The following FHL2 variants were observed in gnomAD, a reference collection of about 807,000 sequenced individuals.
FHL2 encodes four and a half LIM domains 2, also known as four and a half LIM domains protein 2.
In FHL2, 20 loss-of-function variants were observed where a neutral mutation model predicts 32.7. The ratio of observed to expected loss-of-function variants is 0.61; its 90% CI spans 0.43 to 0.89. FHL2 has a LOEUF of 0.89. Ranked by LOEUF, FHL2 falls within the 40% of genes least tolerant of loss-of-function variation. The pLI is 0.00. For missense variants in FHL2, 311 were observed against 358.6 expected, an observed-to-expected ratio of 0.87 and a Z score of 1.07; for synonymous variants, 123 against 128.1, an observed-to-expected ratio of 0.96 and a Z score of 0.27.
At chr2:105,428,107 A>G (rs1684317569) in intron 1 of FHL2, among the ~76,000 whole-genome samples, 1 of 152,248 alleles carries the variant, frequency 6.6e-6, no homozygotes, top group Non-Finnish European at 1.5e-5. Flanking sequence ...ACTCATGGTC[A>G]TAAAAGGTCT....
chr2:105,398,910 A>G lies in FHL2; in HGVS notation c.-144T>C. 1 of 1,536,478 alleles carries G rather than the reference A, an allele frequency of 6.5e-7. No individual in the cohort carries two copies. Among genetic ancestry groups the G allele is most frequent in the South Asian group, 1.2e-5 (1 of 80,798 alleles). On this transcript the variant is annotated 5_prime_UTR_variant, in exon 1 of 7. Transcript: ENST00000530340. ...GCACCGGATTCGGCCCCCACTTCCG[A>G]GCCCTGGTGGCTAAGCCCCTCGGCC...
At chr2:105,399,453 GA>G (rs758967086), upstream of FHL2, 27 of 1,536,100 alleles carry the variant, frequency 1.8e-5, 1 homozygote, top group South Asian at 3.2e-4. Flanking sequence ...CACTTCTCAG[GA>G]GGCATGTGCC....
chr2:105,398,781 C>T, intron 1 of FHL2, 61 bp downstream of exon 1: 1 of 1,316,422 alleles, frequency 7.6e-7, no homozygotes, highest in African/African-American at 1.5e-5. Context: ...CTTCTCCCCG[C>T]ACGGTTCGGG....
intron 3 of FHL2, chr2:105,378,310 T>C: frequency 2.5e-6 from 1 of 407,554 alleles, no homozygotes; most frequent in East Asian, 7.3e-5. Context: ...GGACTAAGCA[T>C]CCATGCAAGA....
intron 1 of FHL2, among the ~76,000 whole-genome samples, chr2:105,422,052 C>T (rs1359896902): frequency 6.6e-6 from 1 of 152,172 alleles, no homozygotes; most frequent in Non-Finnish European, 1.5e-5. Flanking sequence ...GAAAGAATCA[C>T]GGTGGAGGGC....
Position 105,396,696 on chromosome 2 carries a change from C to T in FHL2, c.-74G>A. 3 of 1,612,766 alleles carry T rather than the reference C, an allele frequency of 1.9e-6. No individual in the cohort carries two copies. The highest frequency in any genetic ancestry group is 2.5e-6 in the Non-Finnish European group (3 of 1,179,852). On this transcript the variant is annotated splice_region_variant and 5_prime_UTR_variant, in exon 2 of 7. Transcript: ENST00000530340. ...TCTCCAGGAAGACACAGTTCTCAGC[C>T]ACTAGAGAAAGCACACGTGTTTTGT...
chr2:105,437,677 A>T (rs1006346404), intron 1 of FHL2, among the ~76,000 whole-genome samples: 2 of 152,190 alleles, frequency 1.3e-5, no homozygotes, highest in African/African-American at 2.4e-5. Context: ...GTCTGGCTAG[A>T]GGATGTTTAT....
intron 1 of FHL2, among the ~76,000 whole-genome samples, chr2:105,417,684 C>CAA (rs11353319): frequency 2.0e-4 from 18 of 89,340 alleles, no homozygotes; most frequent in South Asian, 7.9e-4. Flanking sequence ...ACTCCATCTC[C>CAA]AAAAAAAAAA....
intron 4 of FHL2, among the ~76,000 whole-genome samples, chr2:105,371,655 A>C (rs1263890440): frequency 6.6e-6 from 1 of 152,112 alleles, no homozygotes; most frequent in African/African-American, 2.4e-5. Flanking sequence ...CAGAAAGTCA[A>C]GACAGGTGAA....
chr2:105,414,072 C>A (rs1242484599), intron 1 of FHL2, among the ~76,000 whole-genome samples: 4 of 152,176 alleles, frequency 2.6e-5, no homozygotes, highest in Admixed American at 6.5e-5. Flanking sequence ...GGTCCTAGAA[C>A]CCCTCCTTGG....
intron 3 of FHL2, 117 bp from the exon 4 acceptor site, chr2:105,373,850 C>T (rs1681275389): frequency 1.2e-6 from 1 of 857,022 alleles, no homozygotes; most frequent in Non-Finnish European, 1.8e-6. Flanking sequence ...GGCCGAGGCA[C>T]CCTGGCGCAC....
At chr2:105,429,835 G>A (rs966396460) in intron 1 of FHL2, among the ~76,000 whole-genome samples, 2 of 152,282 alleles carry the variant, frequency 1.3e-5, no homozygotes, top group South Asian at 2.1e-4. Flanking sequence ...CTGTGAAGAC[G>A]GGACAGTGCA....
At chr2:105,418,728 C>A (rs776928293) in intron 1 of FHL2, among the ~76,000 whole-genome samples, 30 of 152,210 alleles carry the variant, frequency 2.0e-4, no homozygotes, top group Non-Finnish European at 3.5e-4. Context: ...TCTTTCCACG[C>A]TTTCAGTTAC....
chr2:105,387,908 T>A (rs1171746011), intron 2 of FHL2, among the ~76,000 whole-genome samples: 1 of 152,180 alleles, frequency 6.6e-6, no homozygotes, highest in Non-Finnish European at 1.5e-5. Context: ...ATATACATCA[T>A]GAAATACTAT....
intron 3 of FHL2, chr2:105,378,710 T>A (rs985648124): frequency 2.0e-5 from 3 of 153,206 alleles, no homozygotes; most frequent in Admixed American, 1.3e-4. Flanking sequence ...CATTCCTGAG[T>A]GAATATGCGT....
chr2:105,410,711 G>A (rs956012753), intron 1 of FHL2, among the ~76,000 whole-genome samples: 3 of 152,132 alleles, frequency 2.0e-5, no homozygotes, highest in African/African-American at 4.8e-5. Flanking sequence ...TGGTATGTGC[G>A]TCTTCCTGTA....
In FHL2 at chr2:105,361,394, C is replaced by G; in HGVS notation, c.729G>C (p.Gln243His). The G allele has an allele frequency of 6.2e-7, 1 of 1,614,166 alleles. No homozygotes were observed. The highest frequency in any genetic ancestry group is 2.2e-5 in the East Asian group (1 of 44,878). ...GTKYISFEERQWHNDCFNCKK... is the reference protein window; with the variant it reads ...GTKYISFEERHWHNDCFNCKK... ...TACAGTTAAAGCAGTCGTTATGCCA[C>G]TGCCGTTCCTCAAAGGAGATGTATT... Residue 243 changes from glutamine to histidine, a missense_variant, in exon 7 of 7, where the codon CAG becomes CAC. Physicochemically the swap from Gln to His is conservative, Grantham distance 24 (BLOSUM62 0). Transcript: ENST00000530340.
At position 105,393,143 on chromosome 2, in the gene FHL2, T is replaced by C. The variant is rs118082378; in HGVS notation, c.-25+3504A>G. Among the ~76,000 whole-genome samples the C allele has an allele frequency of 1.3e-3, 201 of 152,232 alleles. 4 individuals are homozygous for C. The East Asian group carries it at 0.019, about 14-fold the overall frequency. On this transcript the variant is annotated intron_variant, in intron 2 of 6. Transcript: ENST00000530340. Reference sequence around the variant, plus strand: ...AGAGGTCAGATTAGCAAAAGAAGTCTATTTAAGCATCCTTTTCAATGCACC... The same window carrying C: ...AGAGGTCAGATTAGCAAAAGAAGTCCATTTAAGCATCCTTTTCAATGCACC...
At chr2:105,366,134 C>G (rs565421276) in intron 5 of FHL2, among the ~76,000 whole-genome samples, 1 of 151,794 alleles carries the variant, frequency 6.6e-6, no homozygotes, top group East Asian at 1.9e-4. Context: ...TGCTCGAACC[C>G]AAGAGGCGGA....
Sources: gnomAD v4.1 joint callset for allele counts (sites outside exome capture counted in the v4.1 genomes callset) on GRCh38, gnomAD v4.1.1 for gene constraint, MANE v1.5 for transcripts, NCBI Gene and HGNC (gene_info 2026-07-23, HGNC 2026-07-21) for gene names.